LSM7: variants seen among roughly 807,000 people sequenced by gnomAD.
LSM7 encodes the protein U6 snRNA-associated Sm-like protein LSm7.
Under a neutral mutation model 14.1 loss-of-function variants are expected in LSM7, and 13 were observed. That is an observed-to-expected ratio of 0.92 (90% confidence interval 0.60 to 1.47). LSM7 has a LOEUF of 1.47. Among genes scored for constraint, LSM7 ranks in the 40% most tolerant of loss-of-function variants. The pLI, the probability that LSM7 is intolerant of heterozygous loss-of-function variation, is 0.00. For synonymous variants in LSM7, 70 were observed against 57.1 expected (o/e 1.23, Z -1.02); for missense variants, 108 against 140.8 (o/e 0.77, Z 1.18).
rs377595218 is a variant in LSM7 at position 2,328,586 on chromosome 19, C to T, written c.-20G>A. The T allele has an allele frequency of 5.4e-5, 84 of 1,568,596 alleles. No homozygotes were observed. The highest frequency in any genetic ancestry group is 7.1e-5 in the Non-Finnish European group (82 of 1,160,014). On this transcript the variant is annotated 5_prime_UTR_variant, in exon 1 of 4. Coordinates refer to ENST00000252622, the MANE Select transcript of LSM7 (RefSeq NM_016199.3). The stretch of plus-strand genomic sequence containing the variant: ...CGCCATCTTGTCGCGCCGTGTGGCT[C>T]TTCGCAGGCACCGCCCCGCGCCCTT...
chr19:2,327,681 C>G (rs150153600), intron 2 of LSM7, among the ~76,000 whole-genome samples: 1 of 152,172 alleles, frequency 6.6e-6, no homozygotes, highest in African/African-American at 2.4e-5. Context: ...GGATTACACA[C>G]GTGAGCCGCC....
Position 2,321,635 on chromosome 19 carries a change from C to T in LSM7, c.*45G>A, listed in dbSNP as rs749488475. The T allele has an allele frequency of 5.1e-6, 7 of 1,366,030 alleles. No homozygotes were observed. The highest frequency in any genetic ancestry group is 3.5e-5 in the Admixed American group (1 of 28,914). The allele number at this position is 1,366,030 out of a possible 1,614,324, so 84.6% of individuals were successfully genotyped here. ...AGCAGCAGCCAAGTCCGCGGGAAAC[C>T]GAGCTGCTCGGGCCTGCCCTGCACC... On this transcript the variant is annotated 3_prime_UTR_variant, in exon 4 of 4. Transcript: ENST00000252622. This position sits in a 1 kb window ranked among gnomAD's most constrained non-coding sequence, Gnocchi z 5.0.
chr19:2,327,005 C>G (rs947646417), intron 2 of LSM7, among the ~76,000 whole-genome samples: 1 of 152,174 alleles, frequency 6.6e-6, no homozygotes, highest in Admixed American at 6.5e-5. Context: ...GAAGAAGACC[C>G]CAAGATGATG....
chr19:2,325,170 C>A (rs1967995547), intron 2 of LSM7, among the ~76,000 whole-genome samples: 1 of 152,146 alleles, frequency 6.6e-6, no homozygotes, highest in South Asian at 2.1e-4. Flanking sequence ...CCACAACTTG[C>A]CAACTTAGGT....
chr19:2,323,663 G>A (rs1967970464), intron 3 of LSM7, among the ~76,000 whole-genome samples: 2 of 152,180 alleles, frequency 1.3e-5, no homozygotes, highest in African/African-American at 4.8e-5. Context: ...TGTTGGTCAG[G>A]CTGGTCTCAA....
chr19:2,324,073 A>G (rs996287547), intron 3 of LSM7, 52 bp downstream of exon 3: 2 of 440,854 alleles, frequency 4.5e-6, no homozygotes, highest in South Asian at 3.6e-5. Context: ...TGCCCCCCTC[A>G]CCCCACTATC....
At chr19:2,328,528 G>A in intron 1 of LSM7, 33 bp downstream of exon 1, 1 of 1,607,352 alleles carries the variant, frequency 6.2e-7, no homozygotes, top group Non-Finnish European at 8.5e-7. Flanking sequence ...CGAGCTCCAC[G>A]CCCCCCGGCT....
Position 2,321,662 on chromosome 19 carries a change from C to G in LSM7, c.*18G>C, listed in dbSNP as rs200818911. ...AGCTGCTCGGGCCTGCCCTGCACCC[C>G]CCGCGCCCCCGGCCAGGCTAGGCGT... is the stretch of plus-strand genomic sequence containing the variant. On this transcript the variant is annotated 3_prime_UTR_variant, in exon 4 of 4. Transcript: ENST00000252622. This position sits in a 1 kb window ranked among gnomAD's most constrained non-coding sequence, Gnocchi z 5.0. 8.1e-6 allele frequency: 12 copies of G among 1,483,808 alleles called. No individual in the cohort carries two copies. Among genetic ancestry groups the G allele is most frequent in the African/African-American group, 1.4e-5 (1 of 70,922 alleles). The allele number at this position is 1,483,808 out of a possible 1,614,324, so 91.9% of individuals were successfully genotyped here.
intron 2 of LSM7, 84 bp from the exon 3 acceptor site, chr19:2,324,280 T>G (rs1967982038): frequency 9.6e-7 from 1 of 1,045,060 alleles, no homozygotes; most frequent in Non-Finnish European, 1.5e-6. Flanking sequence ...GGCCCAGGTA[T>G]GGGGCTAACT....
intron 2 of LSM7, among the ~76,000 whole-genome samples, chr19:2,326,555 C>G (rs1485832839): frequency 6.6e-6 from 1 of 152,192 alleles, no homozygotes; most frequent in Non-Finnish European, 1.5e-5. Context: ...AGGCTGGTCT[C>G]AAACTCCTGA....
Position 2,328,581 on chromosome 19 carries a change from T to A in LSM7, c.-15A>T. The A allele has an allele frequency of 1.3e-6, 2 of 1,573,884 alleles. No individual in the cohort carries two copies. The highest frequency in any genetic ancestry group is 1.7e-6 in the Non-Finnish European group (2 of 1,162,346). ...CTCACCGCCATCTTGTCGCGCCGTG[T>A]GGCTCTTCGCAGGCACCGCCCCGCG... On this transcript the variant is annotated 5_prime_UTR_variant, in exon 1 of 4. Coordinates refer to ENST00000252622, the MANE Select transcript of LSM7 (RefSeq NM_016199.3).
rs909212464 is a variant in LSM7 at position 2,321,928 on chromosome 19, C to T, written c.170-106G>A. On this transcript the variant is annotated intron_variant, in intron 3 of 3. Coordinates refer to ENST00000252622, the MANE Select transcript of LSM7 (RefSeq NM_016199.3). This position sits in a 1 kb window ranked among gnomAD's most constrained non-coding sequence, Gnocchi z 5.0. The stretch of plus-strand genomic sequence containing the variant: ...GACCTCCCCACCTGCACCCTGCAGG[C>T]GCCACGAGCACGCAGGGACCTCAGA... 33 of 1,100,918 alleles carry T rather than the reference C, an allele frequency of 3.0e-5. No individual in the cohort carries two copies. The South Asian group carries it at 3.8e-4, about 13-fold the overall frequency. The allele number at this position is 1,100,918 out of a possible 1,614,324, so 68.2% of individuals were successfully genotyped here.
rs1967957694 is a variant in LSM7 at position 2,323,034 on chromosome 19, T to C, written c.169+1091A>G. Among the ~76,000 whole-genome samples, 3 of 151,970 alleles carry C rather than the reference T, an allele frequency of 2.0e-5. 1 individual carries two copies. The South Asian group carries it at 6.2e-4, about 31-fold the overall frequency. On this transcript the variant is annotated intron_variant, in intron 3 of 3. Transcript: ENST00000252622. ...TGGCCAGCTACAAGAATAAATCTTGTCTCAGTATCAATGGATCCAAGGGGC... is the reference window on the plus strand; with the variant it reads ...TGGCCAGCTACAAGAATAAATCTTGCCTCAGTATCAATGGATCCAAGGGGC...
At chr19:2,323,082 C>T (rs1024499418) in intron 3 of LSM7, among the ~76,000 whole-genome samples, 1 of 152,270 alleles carries the variant, frequency 6.6e-6, no homozygotes, top group Middle Eastern at 3.4e-3. Context: ...CTCCTAAGTC[C>T]TGACATTCCC....
At chr19:2,326,357 T>TGTGTGTGTGTGTGTGTG (rs59241132) in intron 2 of LSM7, among the ~76,000 whole-genome samples, 8 of 150,272 alleles carry the variant, frequency 5.3e-5, no homozygotes, top group South Asian at 2.1e-4. Context: ...TGTGTGTGTG[T>TGTGTGTGTGTGTGTGTG]TTGAGATGGA....
intron 3 of LSM7, 116 bp downstream of exon 3, chr19:2,324,009 C>T: frequency 1.1e-6 from 1 of 876,250 alleles, no homozygotes; most frequent in East Asian, 2.7e-5. Flanking sequence ...AGAAGAAGAG[C>T]CAGCAGGGAG....
At chr19:2,322,142 C>G (rs186535712) in intron 3 of LSM7, among the ~76,000 whole-genome samples, 1 of 152,140 alleles carries the variant, frequency 6.6e-6, no homozygotes, top group Non-Finnish European at 1.5e-5. Flanking sequence ...GCACCAGGGC[C>G]GGGAACCAGG....
At chr19:2,326,696 C>T (rs182959456) in intron 2 of LSM7, among the ~76,000 whole-genome samples, 1 of 152,334 alleles carries the variant, frequency 6.6e-6, no homozygotes, top group East Asian at 1.9e-4. Flanking sequence ...GTCTCGAACT[C>T]CTGACCTCAG....
At chr19:2,324,668 C>G (rs115062290) in intron 2 of LSM7, 7,771 of 166,558 alleles carry the variant, frequency 0.047, 273 homozygotes, top group Non-Finnish European at 0.067. Context: ...GGCACGTGTA[C>G]GCGGTGGGAC....
Sources: gnomAD v4.1 joint callset for allele counts (sites outside exome capture counted in the v4.1 genomes callset) on GRCh38, gnomAD v4.1.1 for gene constraint, Gnocchi (gnomAD v3.1) non-coding constraint, MANE v1.5 for transcripts, NCBI Gene and HGNC (gene_info 2026-07-23, HGNC 2026-07-21) for gene names.